Variants in SLC39A1 observed in about 807,000 individuals in gnomAD.
The protein encoded by SLC39A1 is zinc transporter ZIP1.
Under a neutral mutation model 21.4 loss-of-function variants are expected in SLC39A1, and 17 were observed. The ratio of observed to expected loss-of-function variants is 0.79; its 90% CI spans 0.54 to 1.19. The LOEUF (loss-of-function observed/expected upper bound fraction) is 1.19. SLC39A1 is among the 50% of genes most tolerant of loss of function. SLC39A1 has a pLI of 0.00. For synonymous variants in SLC39A1, 183 were observed against 185.9 expected, an observed-to-expected ratio of 0.98 and a Z score of 0.13; for missense variants, 343 against 399.8, an observed-to-expected ratio of 0.86 and a Z score of 1.21.
At chr1:153,962,433 C>T in intron 2 of SLC39A1, 83 bp from the exon 3 acceptor site, 5 of 1,577,536 alleles carry the variant, frequency 3.2e-6, no homozygotes, top group Non-Finnish European at 4.3e-6. Flanking sequence ...AATGGCTACC[C>T]TTGCCTTTCC....
At chr1:153,964,374 C>G (rs1252610042), upstream of SLC39A1, 2 of 152,380 alleles carry the variant, frequency 1.3e-5, no homozygotes, top group South Asian at 2.1e-4. Context: ...GTTTCCTCAA[C>G]CTGGATTCTT....
Position 153,959,494 on chromosome 1 carries a change from T to C in SLC39A1, c.*604A>G. On this transcript the variant is annotated 3_prime_UTR_variant, in exon 4 of 4. Coordinates refer to ENST00000356205, the MANE Select transcript of SLC39A1 (RefSeq NM_001271958.2). ...GGCTCAGTGCCACATTACTGTGCTT[T>C]GAGAAAGAGGAAGGGGATTTGTTTG... 2.6e-6 allele frequency: 1 copy of C among 391,646 alleles called. No individual in the cohort carries two copies. Among genetic ancestry groups the C allele is most frequent in the Non-Finnish European group, 4.5e-6 (1 of 222,022 alleles). 24.3% of individuals were successfully genotyped at this position (391,646 alleles called of 1,614,324 possible). A position where few individuals can be genotyped will look rare whatever the true frequency, so the allele number is the denominator to read the frequency against.
At chr1:153,962,112 G>A (rs965027231) in intron 3 of SLC39A1, 108 bp downstream of exon 3, 103 of 1,464,288 alleles carry the variant, frequency 7.0e-5, no homozygotes, top group Admixed American at 3.7e-4. Flanking sequence ...CATGCCAAAA[G>A]TCTTCCACAC....
chr1:153,962,122 C>G, intron 3 of SLC39A1, 98 bp downstream of exon 3: 2 of 1,486,678 alleles, frequency 1.3e-6, no homozygotes, highest in South Asian at 1.3e-5. Context: ...GTCTTCCACA[C>G]AGTCATGGAG....
chr1:153,966,268 G>C (rs1246616200), upstream of SLC39A1, among the ~76,000 whole-genome samples: 1 of 152,226 alleles, frequency 6.6e-6, no homozygotes, highest in Non-Finnish European at 1.5e-5. Context: ...CCCACAAGGT[G>C]GGTTGATAGT....
intron 1 of SLC39A1, 157 bp downstream of exon 1, chr1:153,963,338 G>A (rs1647601825): frequency 6.6e-6 from 1 of 152,324 alleles, no homozygotes; most frequent in South Asian, 2.1e-4. Flanking sequence ...GACACTGAGG[G>A]CGGTGCCTGA....
chr1:153,967,129 A>G (rs188763769), upstream of SLC39A1, among the ~76,000 whole-genome samples: 111 of 152,348 alleles, frequency 7.3e-4, no homozygotes, highest in African/African-American at 2.5e-3. Context: ...AAGACAACAA[A>G]CGCAAAAGGC....
Position 153,959,852 on chromosome 1 carries a change from T to C in SLC39A1, c.*246A>G, listed in dbSNP as rs1647259747. 1 of 499,902 alleles carries C rather than the reference T, an allele frequency of 2.0e-6. No individual in the cohort carries two copies. The highest frequency in any genetic ancestry group is 3.6e-6 in the Non-Finnish European group (1 of 277,142). The allele number at this position is 499,902 out of a possible 1,614,324, so 31.0% of individuals were successfully genotyped here. On this transcript the variant is annotated 3_prime_UTR_variant, in exon 4 of 4. Transcript: ENST00000356205. ...AGTCAAGTGTCTTCCCCAATCCTAA[T>C]GTCCCCTGATATGTCTCTAGCGACT...
chr1:153,961,619 G>A lies in SLC39A1; in HGVS notation c.318+601C>T, dbSNP rs752490214. On this transcript the variant is annotated intron_variant, in intron 3 of 3. Coordinates refer to ENST00000356205, the MANE Select transcript of SLC39A1 (RefSeq NM_001271958.2). ...CATTCAGGCTTATACGCAGTCACAC[G>A]GAAACACAGGTCACTCAGTCACAGA... 7.2e-5 allele frequency among the ~76,000 whole-genome samples: 11 copies of A among 152,238 alleles called. No individual in the cohort carries two copies. The South Asian group carries it at 8.3e-4, about 11-fold the overall frequency.
Position 153,962,633 on chromosome 1 carries a change from T to C in SLC39A1, c.83A>G (p.Glu28Gly), listed in dbSNP as rs1407450707. Residue 28 changes from glutamate to glycine, a missense_variant, in exon 2 of 4, where the codon GAG becomes GGG. Glu to Gly is a moderately conservative substitution (Grantham distance 98). Transcript: ENST00000356205. ...CAGCACCAGGGCCCCCAACTTCACC[T>C]CCAGCCCCACAGGCACTGGAGGCTC... ...ASEPPVPVGL[E>G]VKLGALVLLL... 7.4e-6 allele frequency: 12 copies of C among 1,613,154 alleles called. No individual in the cohort carries two copies. Among genetic ancestry groups the C allele is most frequent in the Non-Finnish European group, 1.0e-5 (12 of 1,179,692 alleles).
upstream of SLC39A1, chr1:153,968,085 T>G (rs1311106305): frequency 6.4e-6 from 1 of 155,114 alleles, no homozygotes; most frequent in South Asian, 1.9e-4. Context: ...GCTACCTACT[T>G]CTTAAATTCC....
rs1647270270 is a variant in SLC39A1, at chr1:153,959,975, A to C, written c.*123T>G. 8.5e-7 allele frequency: 1 copy of C among 1,182,584 alleles called. No individual in the cohort carries two copies. Among genetic ancestry groups the C allele is most frequent in the African/African-American group, 1.5e-5 (1 of 65,030 alleles). The allele number at this position is 1,182,584 out of a possible 1,614,324, so 73.3% of individuals were successfully genotyped here. A position where few individuals can be genotyped will look rare whatever the true frequency, so the allele number is the denominator to read the frequency against. On this transcript the variant is annotated 3_prime_UTR_variant, in exon 4 of 4. Transcript: ENST00000356205. ...CCCAAAGGCTCTATCTTTAGCTCCC[A>C]GAGAACTTTTTGGTCCTCAGTATTT...
chr1:153,967,529 T>G (rs1013910231), upstream of SLC39A1: 11 of 152,174 alleles, frequency 7.2e-5, no homozygotes, highest in Admixed American at 2.0e-4. Context: ...CTCGCGCCTG[T>G]GGTCCTAGCT....
upstream of SLC39A1, chr1:153,963,757 T>TG (rs1197420258): frequency 6.5e-6 from 1 of 152,840 alleles, no homozygotes; most frequent in Non-Finnish European, 1.5e-5. Flanking sequence ...ACCTCGGGGC[T>TG]GGGGCCCTGG....
chr1:153,961,564 T>C (rs968104109), intron 3 of SLC39A1, among the ~76,000 whole-genome samples: 5 of 152,164 alleles, frequency 3.3e-5, no homozygotes, highest in African/African-American at 9.7e-5. Flanking sequence ...TCTCCCCAAA[T>C]ACTCATACAT....
chr1:153,967,199 G>A (rs1432541641), upstream of SLC39A1, among the ~76,000 whole-genome samples: 1 of 152,216 alleles, frequency 6.6e-6, no homozygotes, highest in Non-Finnish European at 1.5e-5. Flanking sequence ...AGCGTGCAGC[G>A]AGCGTGTGCG....
chr1:153,960,129 A>G lies in SLC39A1; in HGVS notation c.944T>C (p.Leu315Pro). 6.2e-7 allele frequency: 1 copy of G among 1,613,104 alleles called. No individual in the cohort carries two copies. Among genetic ancestry groups the G allele is most frequent in the Non-Finnish European group, 8.5e-7 (1 of 1,179,398 alleles). ...TTGGATGAAGAGCAGGCCAGTGAGC[A>G]GGGCAAAGCCTGCTAGGAGCAGAAT... ...KVILLLAGFALLTGLLFIQI is the reference protein window; with the variant it reads ...KVILLLAGFAPLTGLLFIQI The change falls in exon 4 of 4, where the codon CTG becomes CCG. Residue 315 changes from leucine (L) to proline (P), a missense_variant. Leu to Pro is a moderately conservative substitution (Grantham distance 98, BLOSUM62 -3). Coordinates refer to ENST00000356205, the MANE Select transcript of SLC39A1 (RefSeq NM_001271958.2).
chr1:153,962,236 G>GC lies in SLC39A1; in HGVS notation c.301dup (p.Ala101GlyfsTer61). The GC allele has an allele frequency of 6.2e-7, 1 of 1,614,096 alleles. No homozygotes were observed. The highest frequency in any genetic ancestry group is 1.1e-5 in the South Asian group (1 of 91,082). Reference sequence around the variant, plus strand: ...AGTGCTCACCGTCACGTGCAAGGCTGCCAGGGCCTCATCTATGGCAGCCAG... The same window carrying GC: ...AGTGCTCACCGTCACGTGCAAGGCTGCCCAGGGCCTCATCTATGGCAGCCAG... On this transcript the variant is annotated frameshift_variant, in exon 3 of 4. Transcript: ENST00000356205. LOFTEE classifies it high-confidence loss of function.
rs749962713 is a variant in SLC39A1 at position 153,960,060 on chromosome 1, C to CTGA, written c.*35_*37dup. On this transcript the variant is annotated 3_prime_UTR_variant, in exon 4 of 4. Transcript: ENST00000356205. Reference sequence around the variant, plus strand: ...GGGAGGGAAGGGAGAACAGGGGCACCTGATCATCAATCTCCCCTGCCCCTC... The same window carrying CTGA: ...GGGAGGGAAGGGAGAACAGGGGCACCTGATGATCATCAATCTCCCCTGCCCCTC... 23 of 1,546,716 alleles carry CTGA rather than the reference C, an allele frequency of 1.5e-5. No individual in the cohort carries two copies. Among genetic ancestry groups the CTGA allele is most frequent in the Non-Finnish European group, 1.3e-5 (15 of 1,142,862 alleles).
Sources: gnomAD v4.1 joint callset for allele counts (sites outside exome capture counted in the v4.1 genomes callset) on GRCh38, gnomAD v4.1.1 for gene constraint, MANE v1.5 for transcripts, NCBI Gene and HGNC (gene_info 2026-07-23, HGNC 2026-07-21) for gene names.